The following HSPA12A variants were observed in gnomAD, a reference collection of about 807,000 sequenced individuals.
HSPA12A encodes heat shock protein family A (Hsp70) member 12A.
HSPA12A carries 28 observed loss-of-function variants against 69.2 expected under a neutral mutation model. The ratio of observed to expected loss-of-function variants is 0.40; its 90% CI spans 0.30 to 0.55. The LOEUF is 0.55. Among genes scored for constraint, HSPA12A ranks in the 20% least tolerant of loss-of-function variants. The probability of loss-of-function intolerance (pLI) is 0.38; values close to 1 mark genes in which losing one functional copy is unlikely to be tolerated. For missense variants in HSPA12A, 686 were observed against 900.7 expected, an observed-to-expected ratio of 0.76 and a Z score of 3.05; for synonymous variants, 345 against 370.5, an observed-to-expected ratio of 0.93 and a Z score of 0.79.
chr10:116,824,862 G>C (rs543926349), intron 2 of HSPA12A, among the ~76,000 whole-genome samples: 12 of 152,008 alleles, frequency 7.9e-5, no homozygotes, highest in South Asian at 6.2e-4. Context: ...TTGATCTCCT[G>C]AACTTGTGAT....
chr10:116,730,319 G>A (rs1211536763), intron 1 of HSPA12A, among the ~76,000 whole-genome samples: 26 of 152,222 alleles, frequency 1.7e-4, no homozygotes, highest in Admixed American at 1.3e-3. Context: ...TTTGAGATAA[G>A]GTCACGGGGA....
chr10:116,837,470 G>A (rs993023362), intron 1 of HSPA12A, among the ~76,000 whole-genome samples: 9 of 151,960 alleles, frequency 5.9e-5, no homozygotes, highest in Non-Finnish European at 8.8e-5. Flanking sequence ...TTATAAAAAG[G>A]CAAAAACATC....
At chr10:116,683,592 AC>A in intron 7 of HSPA12A, 198 bp downstream of exon 7, 1 of 421,254 alleles carries the variant, frequency 2.4e-6, no homozygotes, top group Non-Finnish European at 4.1e-6. Context: ...AACCAGGGTA[AC>A]CATGCCTCCA....
chr10:116,827,379 T>A (rs1845528024), intron 2 of HSPA12A: 1 of 152,266 alleles, frequency 6.6e-6, no homozygotes, highest in Non-Finnish European at 1.5e-5. Context: ...AGCTCGCCCT[T>A]GCTGCGAGCC....
rs139153288 is a variant in HSPA12A at position 116,822,384 on chromosome 10, G to C, written c.91+12551C>G. Among the ~76,000 whole-genome samples, 21 of 152,358 alleles carry C rather than the reference G, an allele frequency of 1.4e-4. No individual in the cohort carries two copies. The East Asian group carries it at 2.1e-3, about 15-fold the overall frequency. On this transcript the variant is annotated intron_variant, in intron 2 of 12. Transcript: ENST00000635765. The stretch of plus-strand genomic sequence containing the variant: ...AAAACAATTCAGGAATGGCTTGTTA[G>C]AGGGGATTTGTGGCTTATGAACATA...
intron 1 of HSPA12A, among the ~76,000 whole-genome samples, chr10:116,718,342 A>G (rs10749229): frequency 6.6e-6 from 1 of 152,042 alleles, no homozygotes. Context: ...AGGTAAGGGT[A>G]GGGAAGGTGA....
intron 2 of HSPA12A, among the ~76,000 whole-genome samples, chr10:116,755,674 G>A (rs1554888697): frequency 6.6e-6 from 1 of 151,146 alleles, no homozygotes; most frequent in African/African-American, 2.4e-5. Flanking sequence ...ATTAAGCGGG[G>A]GATTGGGAGG....
At chr10:116,736,440 G>A (rs571906272) in intron 1 of HSPA12A, among the ~76,000 whole-genome samples, 2 of 152,276 alleles carry the variant, frequency 1.3e-5, no homozygotes, top group South Asian at 2.1e-4. Context: ...TGAGAGGCTC[G>A]ATAATAGCCC....
intron 2 of HSPA12A, among the ~76,000 whole-genome samples, chr10:116,817,607 G>C (rs975256983): frequency 3.3e-5 from 5 of 152,148 alleles, no homozygotes; most frequent in Non-Finnish European, 5.9e-5. Context: ...CCACCATAGC[G>C]ATGGGTGTCA....
chr10:116,707,123 A>T, intron 2 of HSPA12A, 77 bp downstream of exon 2: 1 of 1,174,062 alleles, frequency 8.5e-7, no homozygotes, highest in Non-Finnish European at 1.2e-6. Context: ...GGAAGTCAGT[A>T]CGCACGTGTG....
At chr10:116,785,756 G>T (rs1183867824) in intron 2 of HSPA12A, among the ~76,000 whole-genome samples, 1 of 152,080 alleles carries the variant, frequency 6.6e-6, no homozygotes, top group East Asian at 1.9e-4. Flanking sequence ...TCCCTCCCAG[G>T]GAATGGTCTC....
chr10:116,806,734 A>T (rs1382562275), intron 2 of HSPA12A, among the ~76,000 whole-genome samples: 1 of 152,224 alleles, frequency 6.6e-6, no homozygotes, highest in Non-Finnish European at 1.5e-5. Context: ...TGGGAGACAG[A>T]AGGTTCCCTC....
intron 2 of HSPA12A, among the ~76,000 whole-genome samples, chr10:116,808,316 C>T (rs1436012328): frequency 5.3e-4 from 1 of 1,874 alleles, no homozygotes; most frequent in South Asian, 0.012. Flanking sequence ...GGGACGGGGG[C>T]TGGGGGGCAG....
At chr10:116,690,278 T>C (rs1849699476) in intron 6 of HSPA12A, among the ~76,000 whole-genome samples, 1 of 152,142 alleles carries the variant, frequency 6.6e-6, no homozygotes, top group Non-Finnish European at 1.5e-5. Context: ...CAGTGAACCA[T>C]TTGGCTGGGA....
At chr10:116,791,783 A>C (rs1844706337) in intron 2 of HSPA12A, among the ~76,000 whole-genome samples, 1 of 151,914 alleles carries the variant, frequency 6.6e-6, no homozygotes, top group African/African-American at 2.4e-5. Context: ...AGCACCCCCG[A>C]GTTCACCTCT....
rs61735340 is a variant in HSPA12A at position 116,692,323 on chromosome 10, C to T, written c.663+28G>A. On this transcript the variant is annotated intron_variant, in intron 6 of 11. Transcript: ENST00000369209. ...GACATCTTGAGTCCTTCTCCTCCGG[C>T]TTCCACCCGCCCTGACTCTACCCTC... 2.1e-3 allele frequency: 3,284 copies of T among 1,578,168 alleles called. 52 individuals carry two copies. The African/African-American group carries it at 0.039, about 19-fold the overall frequency.
At chr10:116,823,970 C>T (rs1321056397) in intron 2 of HSPA12A, among the ~76,000 whole-genome samples, 1 of 152,068 alleles carries the variant, frequency 6.6e-6, no homozygotes, top group Non-Finnish European at 1.5e-5. Flanking sequence ...GAAAAGGCAA[C>T]ACACAGAATG....
intron 6 of HSPA12A, among the ~76,000 whole-genome samples, chr10:116,691,505 C>T (rs7902262): frequency 0.52 from 78,763 of 151,416 alleles, 20,812 homozygotes; most frequent in Middle Eastern, 0.65. Flanking sequence ...TGACTTGCCA[C>T]ACAACCCAGC....
intron 7 of HSPA12A, 103 bp from the exon 8 acceptor site, chr10:116,681,980 G>T: frequency 1.0e-6 from 1 of 989,724 alleles, no homozygotes; most frequent in Non-Finnish European, 1.6e-6. Flanking sequence ...TTTAGGGATG[G>T]AACATTAGTG....
Sources: allele counts gnomAD v4.1 joint callset (sites outside exome capture counted in the v4.1 genomes callset), GRCh38; gene constraint gnomAD v4.1.1; transcripts MANE v1.5; gene names NCBI Gene and HGNC (gene_info 2026-07-23, HGNC 2026-07-21).